NFE2L3: variants seen among roughly 807,000 people sequenced by gnomAD.
The protein encoded by NFE2L3 is nuclear factor erythroid 2-related factor 3.
NFE2L3 carries 18 observed loss-of-function variants against 23.5 expected under a neutral mutation model. The observed-to-expected ratio is 0.77, with a 90% CI of 0.53 to 1.13. The LOEUF is 1.13. NFE2L3 is among the 50% of genes most tolerant of loss of function. NFE2L3 has a pLI of 0.00. For synonymous variants in NFE2L3, 424 were observed against 354.5 expected (o/e 1.20, Z -2.20); for missense variants, 1,152 against 877.2 (o/e 1.31, Z -3.96).
intron 1 of NFE2L3, among the ~76,000 whole-genome samples, chr7:26,162,608 A>G (rs934028825): frequency 7.9e-5 from 12 of 152,152 alleles, no homozygotes; most frequent in Non-Finnish European, 1.8e-4. Flanking sequence ...CCCATGGAAC[A>G]TGGGCCTCTT....
At position 26,184,560 on chromosome 7, in the gene NFE2L3, C is replaced by G; in HGVS notation, c.862C>G (p.Pro288Ala). Residue 288 changes from proline (P) to alanine (A), a missense_variant, in exon 4 of 4, where the codon CCA becomes GCA. By Grantham distance (27) the Pro-to-Ala change is conservative. Transcript: ENST00000056233. ...EGISLGDIPL[P>A]GSISDGMNSS... ...CATCTCATTGGGAGATATTCCTCTT[C>G]CAGGCAGTATCAGTGATGGCATGAA... is the stretch of plus-strand genomic sequence containing the variant. 6.2e-7 allele frequency: 1 copy of G among 1,612,966 alleles called. No homozygotes were observed. The highest frequency in any genetic ancestry group is 8.5e-7 in the Non-Finnish European group (1 of 1,179,230).
intron 1 of NFE2L3, among the ~76,000 whole-genome samples, chr7:26,163,828 C>T (rs1369412559): frequency 6.6e-6 from 1 of 152,032 alleles, no homozygotes; most frequent in Non-Finnish European, 1.5e-5. Flanking sequence ...CACAACAGGC[C>T]CCAGTGTGTG....
chr7:26,152,498 G>A lies in NFE2L3; in HGVS notation c.-1G>A, dbSNP rs374410752. The A allele has an allele frequency of 1.4e-3, 1,900 of 1,327,752 alleles. 24 individuals are homozygous for A. In the African/African-American group the frequency reaches 0.026, roughly 18 times the overall value. The allele number at this position is 1,327,752 out of a possible 1,614,324, so 82.2% of individuals were successfully genotyped here. On this transcript the variant is annotated 5_prime_UTR_variant, in exon 1 of 4. Coordinates refer to ENST00000056233, the MANE Select transcript of NFE2L3 (RefSeq NM_004289.7). The surrounding 1 kb of genome is among the most constrained non-coding windows in gnomAD (Gnocchi z 4.4). Reference sequence around the variant, plus strand: ...GGGGCGTTCCCGGGCGCGCGGCGGCGATGAAGCACCTGAAGCGGTGGTGGT... The same window carrying A: ...GGGGCGTTCCCGGGCGCGCGGCGGCAATGAAGCACCTGAAGCGGTGGTGGT...
intron 1 of NFE2L3, among the ~76,000 whole-genome samples, chr7:26,171,866 T>TA (rs1340467459): frequency 2.6e-5 from 4 of 152,284 alleles, no homozygotes; most frequent in Admixed American, 1.3e-4. Flanking sequence ...AAAACAAAAA[T>TA]AGAATGTAAG....
rs758702712 is a variant in NFE2L3 at position 26,152,619 on chromosome 7, C to G, written c.121C>G (p.Leu41Val). 1.3e-6 allele frequency: 2 copies of G among 1,536,820 alleles called. No homozygotes were observed. The highest frequency in any genetic ancestry group is 1.9e-5 in the Admixed American group (1 of 51,604). Residue 41 changes from leucine to valine, a missense_variant, in exon 1 of 4, where the codon CTG becomes GTG. Leu to Val is a conservative substitution (Grantham distance 32). Coordinates refer to ENST00000056233, the MANE Select transcript of NFE2L3 (RefSeq NM_004289.7). This position sits in a 1 kb window ranked among gnomAD's most constrained non-coding sequence, Gnocchi z 4.4. The stretch of plus-strand genomic sequence containing the variant: ...TTACCTGCTGCTGCCGCCGCCCACC[C>G]TGCTGCAGGACGAGCTGCTGTTCCT... ...DLYLLLPPPTLLQDELLFLGG... is the reference protein window; with the variant it reads ...DLYLLLPPPTVLQDELLFLGG...
chr7:26,184,674 A>G lies in NFE2L3; in HGVS notation c.976A>G (p.Thr326Ala), dbSNP rs1375610975. The change falls in exon 4 of 4, where the codon ACA becomes GCA. Residue 326 changes from threonine (T) to alanine (A), a missense_variant. By Grantham distance (58) the Thr-to-Ala change is moderately conservative. Coordinates refer to ENST00000056233, the MANE Select transcript of NFE2L3 (RefSeq NM_004289.7). ...GGCCATCTTGCTTTGTCCCAACAAT[A>G]CATTTAGAAGAGATCCAACAGCAAG... is the stretch of plus-strand genomic sequence containing the variant. The part of the protein sequence containing the change: ...HEAILLCPNN[T>A]FRRDPTARTS... 2.5e-6 allele frequency: 4 copies of G among 1,613,956 alleles called. No homozygotes were observed. Among genetic ancestry groups the G allele is most frequent in the Admixed American group, 1.7e-5 (1 of 60,016 alleles).
At chr7:26,171,244 C>T (rs1769766001) in intron 1 of NFE2L3, among the ~76,000 whole-genome samples, 1 of 152,148 alleles carries the variant, frequency 6.6e-6, no homozygotes, top group African/African-American at 2.4e-5. Context: ...AACAACTATG[C>T]ACCATTAAGA....
intron 1 of NFE2L3, among the ~76,000 whole-genome samples, chr7:26,175,933 T>C (rs1784397478): frequency 6.7e-6 from 1 of 148,294 alleles, no homozygotes; most frequent in Non-Finnish European, 1.5e-5. Flanking sequence ...GGTCATAGGA[T>C]AATAGTGGAG....
chr7:26,178,243 T>C (rs1784449330), intron 2 of NFE2L3, 121 bp downstream of exon 2: 2 of 734,520 alleles, frequency 2.7e-6, no homozygotes, highest in African/African-American at 3.6e-5. Flanking sequence ...ACAAATATGA[T>C]ATATGAAAAT....
intron 1 of NFE2L3, among the ~76,000 whole-genome samples, chr7:26,155,833 C>T (rs1485512060): frequency 2.0e-5 from 3 of 152,172 alleles, no homozygotes; most frequent in African/African-American, 4.8e-5. Context: ...GCTTGAATCA[C>T]TCCAAGCTTC....
At chr7:26,179,422 C>A (rs893784152) in intron 2 of NFE2L3, among the ~76,000 whole-genome samples, 4 of 151,894 alleles carry the variant, frequency 2.6e-5, no homozygotes, top group Non-Finnish European at 4.4e-5. Context: ...ATCACCTGAG[C>A]CTGGGAGGTC....
At chr7:26,183,669 GTGAAAGA>G in intron 2 of NFE2L3, 25 bp from the exon 3 acceptor site, 1 of 1,386,112 alleles carries the variant, frequency 7.2e-7, no homozygotes, top group South Asian at 1.2e-5. Flanking sequence ...AGTCTTTTAT[GTGAAAGA>G]TGCACTTTTT....
intron 1 of NFE2L3, among the ~76,000 whole-genome samples, chr7:26,155,774 T>C (rs953856757): frequency 2.0e-5 from 3 of 152,214 alleles, no homozygotes; most frequent in African/African-American, 7.2e-5. Context: ...TGCGGTCAGC[T>C]AGACCTGGGT....
intron 1 of NFE2L3, among the ~76,000 whole-genome samples, chr7:26,153,760 C>G (rs891271471): frequency 1.3e-5 from 2 of 152,228 alleles, no homozygotes; most frequent in African/African-American, 4.8e-5. Context: ...AAACCCTTCT[C>G]TGGCTTAACT....
At position 26,177,987 on chromosome 7, in the gene NFE2L3, T is replaced by C; in HGVS notation, c.615T>C (p.Ser205=). 6.2e-7 allele frequency: 1 copy of C among 1,614,148 alleles called. No homozygotes were observed. The highest frequency in any genetic ancestry group is 8.5e-7 in the Non-Finnish European group (1 of 1,179,998). The change falls in exon 2 of 4, where the codon AGT becomes AGC. Residue 205 remains serine (S), a synonymous_variant. Coordinates refer to ENST00000056233, the MANE Select transcript of NFE2L3 (RefSeq NM_004289.7). ...AAAAGCACGAAGCTGTGGATCATAG[T>C]TCCCAGCATGAGGAAAATGAAGAAA... ...LREKHEAVDH[S]SQHEENEERV...
rs1192708937 is a variant in NFE2L3, at chr7:26,185,615, T to A, written c.1917T>A (p.His639Gln). The A allele has an allele frequency of 6.2e-7, 1 of 1,613,886 alleles. No individual in the cohort carries two copies. The highest frequency in any genetic ancestry group is 1.1e-5 in the South Asian group (1 of 91,062). The change falls in exon 4 of 4, where the codon CAT becomes CAA. Residue 639 changes from histidine to glutamine, a missense_variant. Transcript: ENST00000056233. ...TTAACATAATGAAACAGAAACTGCA[T>A]GACCTTTATCATGATATTTTTAGTA... ...KAINIMKQKLHDLYHDIFSRL... is the reference protein window; with the variant it reads ...KAINIMKQKLQDLYHDIFSRL...
rs1013441289 is a variant in NFE2L3 at position 26,152,715 on chromosome 7, C to T, written c.217C>T (p.His73Tyr). Reference sequence around the variant, plus strand: ...CTCGGGAGGGTGGGGGCGCGCGGGCCACTTGCACCCCAAGGGCCGGGAGCT... The same window carrying T: ...CTCGGGAGGGTGGGGGCGCGCGGGCTACTTGCACCCCAAGGGCCGGGAGCT... ...SASGGWGRAGHLHPKGRELDP... is the reference protein window; with the variant it reads ...SASGGWGRAGYLHPKGRELDP... Residue 73 changes from histidine (H) to tyrosine (Y), a missense_variant, in exon 1 of 4, where the codon CAC becomes TAC. His to Tyr is a moderately conservative substitution (Grantham distance 83). Coordinates refer to ENST00000056233, the MANE Select transcript of NFE2L3 (RefSeq NM_004289.7). The surrounding 1 kb of genome is among the most constrained non-coding windows in gnomAD (Gnocchi z 4.4). The T allele has an allele frequency of 5.6e-5, 82 of 1,476,106 alleles. No homozygotes were observed. The highest frequency in any genetic ancestry group is 4.7e-4 in the Middle Eastern group (2 of 4,242). The allele number at this position is 1,476,106 out of a possible 1,614,324, so 91.4% of individuals were successfully genotyped here.
At chr7:26,166,361 C>G (rs1480245046) in intron 1 of NFE2L3, among the ~76,000 whole-genome samples, 1 of 152,192 alleles carries the variant, frequency 6.6e-6, no homozygotes, top group Non-Finnish European at 1.5e-5. Flanking sequence ...CTGCTCTAGC[C>G]TTCCCCTGGT....
At chr7:26,176,536 A>C (rs79472235) in intron 1 of NFE2L3, among the ~76,000 whole-genome samples, 2 of 76,378 alleles carry the variant, frequency 2.6e-5, no homozygotes, top group Admixed American at 1.3e-4. Context: ...CGCTCCTCAC[A>C]TCCCAGACGG....
Sources: allele counts gnomAD v4.1 joint callset (sites outside exome capture counted in the v4.1 genomes callset), GRCh38; gene constraint gnomAD v4.1.1; non-coding constraint Gnocchi (gnomAD v3.1); transcripts MANE v1.5; gene names NCBI Gene and HGNC (gene_info 2026-07-23, HGNC 2026-07-21).